Variants in CYP4F3 observed in about 807,000 individuals in gnomAD.
CYP4F3 encodes cytochrome P450 family 4 subfamily F member 3.
Under a neutral mutation model 54.8 loss-of-function variants are expected in CYP4F3, and 50 were observed. The ratio of observed to expected loss-of-function variants is 0.91; its 90% CI spans 0.73 to 1.16. The LOEUF (loss-of-function observed/expected upper bound fraction) is 1.16, where lower values mean the gene tolerates loss of function less well. CYP4F3 is among the 50% of genes most tolerant of loss of function. CYP4F3 has a pLI of 0.00. For missense variants in CYP4F3, 715 were observed against 676.2 expected (o/e 1.06, Z -0.64); for synonymous variants, 244 against 262.6 (o/e 0.93, Z 0.69).
At chr19:15,644,095 A>G in intron 2 of CYP4F3, 1 of 1,482,572 alleles carries the variant, frequency 6.7e-7, no homozygotes, top group Non-Finnish European at 9.0e-7. Context: ...GGTGCATTTG[A>G]GGCCTGCAAG....
chr19:15,648,404 G>A (rs28371534), intron 5 of CYP4F3, among the ~76,000 whole-genome samples: 2,024 of 152,004 alleles, frequency 0.013, 24 homozygotes, highest in Non-Finnish European at 0.021. Context: ...ATAGCAAGCA[G>A]AAGCAGCATA....
chr19:15,652,488 C>G, intron 7 of CYP4F3, 81 bp from the exon 8 acceptor site: 2 of 1,571,616 alleles, frequency 1.3e-6, no homozygotes, highest in Non-Finnish European at 1.7e-6. Flanking sequence ...CAGAGACTGT[C>G]TCAGATTAGA....
At chr19:15,644,819 G>A (rs143605673) in intron 2 of CYP4F3, among the ~76,000 whole-genome samples, 219 of 152,328 alleles carry the variant, frequency 1.4e-3, no homozygotes, top group African/African-American at 4.9e-3. Flanking sequence ...AGGGAAACAG[G>A]CAGCATCCTA....
Position 15,650,107 on chromosome 19 carries a change from A to G in CYP4F3, c.842A>G (p.Gln281Arg), listed in dbSNP as rs1366460370. The G allele has an allele frequency of 6.2e-7, 1 of 1,614,158 alleles. No individual in the cohort carries two copies. The highest frequency in any genetic ancestry group is 2.2e-5 in the East Asian group (1 of 44,886). ...GAGCGGCGCCGCACCCTCCCTAGCC[A>G]GGGTGTTGATGACTTCCTCCAAGCC... ...IQERRRTLPS[Q>R]GVDDFLQAKA... is the part of the protein sequence containing the mutation. Residue 281 changes from glutamine to arginine, a missense_variant, in exon 7 of 13, where the codon CAG (glutamine) becomes CGG (arginine). Coordinates refer to ENST00000221307, the MANE Select transcript of CYP4F3 (RefSeq NM_000896.3).
At chr19:15,645,989 A>G (rs1972614762) in intron 3 of CYP4F3, 126 bp downstream of exon 3, 1 of 1,306,442 alleles carries the variant, frequency 7.7e-7, no homozygotes, top group African/African-American at 1.5e-5. Flanking sequence ...TGTGGTGGAG[A>G]TGCCACTGCT....
rs1973084037 is a variant in CYP4F3 at position 15,658,338 on chromosome 19, C to A, written c.1190C>A (p.Ala397Asp). The change falls in exon 10 of 13, where the codon GCC becomes GAC. Residue 397 changes from alanine to aspartate, a missense_variant. By Grantham distance (126) the Ala-to-Asp change is moderately radical. Coordinates refer to ENST00000221307, the MANE Select transcript of CYP4F3 (RefSeq NM_000896.3). ...CTGAGGCTGCATCCCCCAGTCCCTGCCGTCTCTCGCTGCTGCACCCAAGAC... is the reference window on the plus strand; with the variant it reads ...CTGAGGCTGCATCCCCCAGTCCCTGACGTCTCTCGCTGCTGCACCCAAGAC... The part of the protein sequence containing the change: ...ESLRLHPPVP[A>D]VSRCCTQDIV... 1 of 1,614,152 alleles carries A rather than the reference C, an allele frequency of 6.2e-7. No homozygotes were observed. Among genetic ancestry groups the A allele is most frequent in the Non-Finnish European group, 8.5e-7 (1 of 1,180,026 alleles).
At position 15,658,292 on chromosome 19, in the gene CYP4F3, A is replaced by G. The variant is rs146375938; in HGVS notation, c.1144A>G (p.Thr382Ala). 4 of 1,614,050 alleles carry G rather than the reference A, an allele frequency of 2.5e-6. No homozygotes were observed. The highest frequency in any genetic ancestry group is 3.4e-6 in the Non-Finnish European group (4 of 1,179,988). The change falls in exon 10 of 13, where the codon ACC (threonine) becomes GCC (alanine). Residue 382 changes from threonine (T) to alanine (A), a missense_variant. By Grantham distance (58) the Thr-to-Ala change is moderately conservative. Transcript: ENST00000221307. ...WDDLAQLPFLTMCIKESLRLH... is the reference protein window; with the variant it reads ...WDDLAQLPFLAMCIKESLRLH... ...CGACCTGGCCCAGCTGCCCTTCCTG[A>G]CCATGTGCATTAAGGAGAGCCTGAG...
intron 9 of CYP4F3, 97 bp downstream of exon 9, chr19:15,653,049 C>T: frequency 6.7e-7 from 1 of 1,489,710 alleles, no homozygotes; most frequent in South Asian, 1.3e-5. Context: ...TTGATTCTGC[C>T]ACTATTGCTT....
Position 15,648,623 on chromosome 19 carries a change from C to A in CYP4F3, c.526-537C>A, listed in dbSNP as rs143498566. ...AAACCCAACATTTATTGAGAACTCACAATATGCCAGAAAAAATGCCATGTG... is the reference window on the plus strand; with the variant it reads ...AAACCCAACATTTATTGAGAACTCAAAATATGCCAGAAAAAATGCCATGTG... On this transcript the variant is annotated intron_variant, in intron 5 of 12. Coordinates refer to ENST00000221307, the MANE Select transcript of CYP4F3 (RefSeq NM_000896.3). 1.8e-3 allele frequency among the ~76,000 whole-genome samples: 278 copies of A among 152,194 alleles called. 1 individual carries two copies. Among genetic ancestry groups the A allele is most frequent in the Middle Eastern group, 6.8e-3 (2 of 294 alleles).
chr19:15,643,401 G>GATA (rs1972527306), intron 2 of CYP4F3, among the ~76,000 whole-genome samples: 2 of 96,636 alleles, frequency 2.1e-5, no homozygotes, highest in African/African-American at 9.4e-5. Flanking sequence ...GATATATATA[G>GATA]GTAAATAGAT....
At chr19:15,659,151 G>T in intron 12 of CYP4F3, 69 bp from the exon 13 acceptor site, 3 of 1,348,222 alleles carry the variant, frequency 2.2e-6, no homozygotes, top group Non-Finnish European at 2.0e-6. Context: ...TCCCAGGCCA[G>T]GTTACCGGCT....
rs934933262 is a variant in CYP4F3, at chr19:15,658,361, G to A, written c.1213G>A (p.Asp405Asn). 6.2e-7 allele frequency: 1 copy of A among 1,614,118 alleles called. No homozygotes were observed. The highest frequency in any genetic ancestry group is 1.1e-5 in the South Asian group (1 of 91,084). Reference protein sequence around the residue: ...VPAVSRCCTQDIVLPDGRVIP... With the variant: ...VPAVSRCCTQNIVLPDGRVIP... ...TGCCGTCTCTCGCTGCTGCACCCAA[G>A]ACATTGTGCTCCCAGACGGCCGGGT... The change falls in exon 10 of 13, where the codon GAC becomes AAC. Residue 405 changes from aspartate (D) to asparagine (N), a missense_variant. Transcript: ENST00000221307.
chr19:15,659,245 A>G lies in CYP4F3; in HGVS notation c.1423A>G (p.Met475Val). The G allele has an allele frequency of 1.9e-6, 3 of 1,611,760 alleles. No individual in the cohort carries two copies. Among genetic ancestry groups the G allele is most frequent in the Non-Finnish European group, 2.5e-6 (3 of 1,179,590 alleles). Residue 475 changes from methionine (M) to valine (V), a missense_variant, in exon 13 of 13, where the codon ATG becomes GTG. Met to Val is a conservative substitution (Grantham distance 21). Transcript: ENST00000221307. ...PRNCIGQAFA[M>V]AEMKVVLGLT... ...GAACTGCATCGGGCAGGCGTTCGCG[A>G]TGGCGGAGATGAAGGTGGTCCTGGG...
intron 4 of CYP4F3, 34 bp downstream of exon 4, chr19:15,647,139 AC>A: frequency 6.2e-7 from 1 of 1,613,908 alleles, no homozygotes; most frequent in South Asian, 1.1e-5. Flanking sequence ...GTTGGGAACA[AC>A]CTGGGGGGCC....
intron 9 of CYP4F3, among the ~76,000 whole-genome samples, chr19:15,653,179 T>C (rs113400727): frequency 2.2e-3 from 341 of 152,242 alleles, no homozygotes; most frequent in African/African-American, 7.3e-3. Flanking sequence ...GTTGATGATA[T>C]GTGAGGACAG....
intron 2 of CYP4F3, chr19:15,643,998 C>CCGTCATCCGTTTTTGCCACCCCAA (rs1255837317): frequency 6.2e-7 from 1 of 1,605,332 alleles, no homozygotes; most frequent in Admixed American, 1.7e-5. Flanking sequence ...CCCATCTTCC[C>CCGTCATCCGTTTTTGCCACCCCAA]CGTCATCCGT....
intron 3 of CYP4F3, 65 bp from the exon 4 acceptor site, chr19:15,646,987 C>T (rs1268959867): frequency 3.1e-6 from 5 of 1,602,330 alleles, no homozygotes; most frequent in Admixed American, 3.4e-5. Flanking sequence ...TGGGAGCCTC[C>T]CCCCACCCCC....
intron 3 of CYP4F3, 140 bp from the exon 4 acceptor site, chr19:15,646,912 T>C: frequency 8.0e-7 from 1 of 1,252,660 alleles, no homozygotes; most frequent in Non-Finnish European, 1.1e-6. Flanking sequence ...TCCTGCCTTC[T>C]TCCTCTCCCC....
chr19:15,652,771 C>G (rs1197869599), intron 8 of CYP4F3, 52 bp from the exon 9 acceptor site: 1 of 1,601,070 alleles, frequency 6.2e-7, no homozygotes, highest in African/African-American at 1.3e-5. Flanking sequence ...TGCTGTACAC[C>G]CTCGGGTGCT....
Sources: allele counts gnomAD v4.1 joint callset (sites outside exome capture counted in the v4.1 genomes callset), GRCh38; gene constraint gnomAD v4.1.1; transcripts MANE v1.5; gene names NCBI Gene and HGNC (gene_info 2026-07-23, HGNC 2026-07-21).